KLHL1: variants seen among roughly 807,000 people sequenced by gnomAD.
KLHL1 encodes kelch like family member 1, also known as kelch-like protein 1.
In KLHL1, 47 loss-of-function variants were observed where a neutral mutation model predicts 77.7. The ratio of observed to expected loss-of-function variants is 0.60; its 90% CI spans 0.48 to 0.77. The LOEUF (loss-of-function observed/expected upper bound fraction) is 0.77, where lower values mean the gene tolerates loss of function less well. Among genes scored for constraint, KLHL1 ranks in the 30% least tolerant of loss-of-function variants. The probability of loss-of-function intolerance (pLI) is 0.00; values close to 1 mark genes in which losing one functional copy is unlikely to be tolerated. For missense variants in KLHL1, 925 were observed against 910.8 expected (o/e 1.02, Z -0.20); for synonymous variants, 360 against 325.2 (o/e 1.11, Z -1.15).
In KLHL1 at chr13:69,730,480, T is replaced by C. The variant is rs996542933; in HGVS notation, c.1802+9914A>G. Among the ~76,000 whole-genome samples, 4 of 152,156 alleles carry C rather than the reference T, an allele frequency of 2.6e-5. No homozygotes were observed. In the South Asian group the frequency reaches 6.2e-4, roughly 24 times the overall value. ...TCACTAAATAACCGACTGTTACTTATAGTGATTAGAAAACATAAAAAGGCA... is the reference window on the plus strand; with the variant it reads ...TCACTAAATAACCGACTGTTACTTACAGTGATTAGAAAACATAAAAAGGCA... On this transcript the variant is annotated intron_variant, in intron 8 of 10. Coordinates refer to ENST00000377844, the MANE Select transcript of KLHL1 (RefSeq NM_020866.3).
intron 1 of KLHL1, among the ~76,000 whole-genome samples, chr13:70,058,461 T>C (rs1886800221): frequency 6.6e-6 from 1 of 152,112 alleles, no homozygotes; most frequent in East Asian, 1.9e-4. Context: ...GAAATAAAAA[T>C]ACTAATCCCA....
At chr13:69,728,174 AATGT>A (rs1270063735) in intron 8 of KLHL1, among the ~76,000 whole-genome samples, 1 of 152,078 alleles carries the variant, frequency 6.6e-6, no homozygotes, top group Non-Finnish European at 1.5e-5. Context: ...GATTAATTAA[AATGT>A]ATACAATTTG....
intron 4 of KLHL1, among the ~76,000 whole-genome samples, chr13:69,890,671 T>A (rs964417845): frequency 3.3e-5 from 5 of 151,366 alleles, no homozygotes; most frequent in African/African-American, 1.2e-4. Context: ...CACACAGATA[T>A]ATGTATCTCC....
chr13:70,039,143 C>G (rs1886311435), intron 1 of KLHL1, among the ~76,000 whole-genome samples: 1 of 150,272 alleles, frequency 6.7e-6, no homozygotes, highest in Middle Eastern at 3.4e-3. Flanking sequence ...TAATAGCTCA[C>G]TGTAAACTTG....
chr13:70,042,294 C>T (rs988790011), intron 1 of KLHL1, among the ~76,000 whole-genome samples: 2 of 151,886 alleles, frequency 1.3e-5, no homozygotes, highest in Non-Finnish European at 2.9e-5. Context: ...TCTGTGTGTG[C>T]GTGCTTGTGT....
chr13:69,966,607 T>C (rs549276539), intron 2 of KLHL1, among the ~76,000 whole-genome samples: 2 of 152,268 alleles, frequency 1.3e-5, no homozygotes, highest in East Asian at 3.9e-4. Flanking sequence ...ATTTCTTTTC[T>C]TTTTTCCTTT....
chr13:70,081,390 G>A (rs770172511), intron 1 of KLHL1, among the ~76,000 whole-genome samples: 11 of 152,122 alleles, frequency 7.2e-5, no homozygotes, highest in Non-Finnish European at 8.8e-5. Context: ...AAGATTTTGG[G>A]TCCACTGCTT....
intron 4 of KLHL1, among the ~76,000 whole-genome samples, chr13:69,925,148 C>A (rs1260980599): frequency 4.6e-5 from 7 of 152,140 alleles, no homozygotes; most frequent in African/African-American, 1.7e-4. Flanking sequence ...AGGTTTTCAG[C>A]TGGTGAAGCA....
At chr13:70,106,850 C>T (rs1402493454) in intron 1 of KLHL1, among the ~76,000 whole-genome samples, 1 of 152,144 alleles carries the variant, frequency 6.6e-6, no homozygotes, top group Non-Finnish European at 1.5e-5. Context: ...AAAATTTCAT[C>T]TTCAGATAAT....
intron 6 of KLHL1, among the ~76,000 whole-genome samples, chr13:69,827,529 A>C (rs1878594085): frequency 6.6e-6 from 1 of 152,088 alleles, no homozygotes; most frequent in South Asian, 2.1e-4. Flanking sequence ...CAGGAGATAG[A>C]GACCATCCTG....
chr13:69,997,435 C>G (rs989696864), intron 1 of KLHL1, among the ~76,000 whole-genome samples: 2 of 151,302 alleles, frequency 1.3e-5, no homozygotes, highest in African/African-American at 4.8e-5. Flanking sequence ...TAACTAAATA[C>G]TTATGTCCAT....
At chr13:69,848,286 A>T (rs1452853800) in intron 5 of KLHL1, among the ~76,000 whole-genome samples, 1 of 151,512 alleles carries the variant, frequency 6.6e-6, no homozygotes, top group Non-Finnish European at 1.5e-5. Context: ...AGCTCGTAGC[A>T]CTTCATTAGT....
intron 5 of KLHL1, among the ~76,000 whole-genome samples, chr13:69,842,274 A>G (rs1483034328): frequency 6.6e-6 from 1 of 151,924 alleles, no homozygotes. Flanking sequence ...TTAATGGGAG[A>G]AATATTAGCA....
chr13:69,923,756 G>A (rs142881771), intron 4 of KLHL1, among the ~76,000 whole-genome samples: 1 of 152,228 alleles, frequency 6.6e-6, no homozygotes, highest in Non-Finnish European at 1.5e-5. Flanking sequence ...AGTGGAGGAG[G>A]TGCAGCCAGG....
chr13:70,068,376 A>C (rs1025972843), intron 1 of KLHL1, among the ~76,000 whole-genome samples: 1 of 149,444 alleles, frequency 6.7e-6, no homozygotes, highest in South Asian at 2.1e-4. Flanking sequence ...AAAACAAAAA[A>C]AAAGGATTTT....
At chr13:69,824,407 T>G (rs1021507130) in intron 6 of KLHL1, among the ~76,000 whole-genome samples, 1 of 152,064 alleles carries the variant, frequency 6.6e-6, no homozygotes, top group Non-Finnish European at 1.5e-5. Context: ...ATGAATATGT[T>G]TTTTACAAGG....
At chr13:70,006,751 C>A (rs1216856955) in intron 1 of KLHL1, among the ~76,000 whole-genome samples, 1 of 151,916 alleles carries the variant, frequency 6.6e-6, no homozygotes, top group African/African-American at 2.4e-5. Flanking sequence ...AAGGTACATG[C>A]TGACAGCACT....
At chr13:70,097,296 A>C (rs139016172) in intron 1 of KLHL1, among the ~76,000 whole-genome samples, 123 of 152,168 alleles carry the variant, frequency 8.1e-4, no homozygotes, top group African/African-American at 2.6e-3. Flanking sequence ...AAACTGAAAC[A>C]ACAAAAACAA....
intron 7 of KLHL1, among the ~76,000 whole-genome samples, chr13:69,770,549 G>A (rs1875515021): frequency 6.6e-6 from 1 of 152,062 alleles, no homozygotes; most frequent in East Asian, 1.9e-4. Context: ...ATGTTGCTTA[G>A]TCTGGTCTTG....
Sources: allele counts gnomAD v4.1 joint callset (sites outside exome capture counted in the v4.1 genomes callset), GRCh38; gene constraint gnomAD v4.1.1; transcripts MANE v1.5; gene names NCBI Gene and HGNC (gene_info 2026-07-23, HGNC 2026-07-21).